PARD3B: variants seen among roughly 807,000 people sequenced by gnomAD.
The protein encoded by PARD3B is par-3 family cell polarity regulator beta.
PARD3B carries 103 observed loss-of-function variants against 130.2 expected under a neutral mutation model. The ratio of observed to expected loss-of-function variants is 0.79; its 90% CI spans 0.67 to 0.93. The LOEUF is 0.93. PARD3B is among the 40% of genes least tolerant of loss of function. The probability of loss-of-function intolerance (pLI) is 0.00; values close to 1 mark genes in which losing one functional copy is unlikely to be tolerated. For synonymous variants in PARD3B, 583 were observed against 553.2 expected, an observed-to-expected ratio of 1.05 and a Z score of -0.76; for missense variants, 1,609 against 1,499.2, an observed-to-expected ratio of 1.07 and a Z score of -1.21.
At position 205,530,615 on chromosome 2, in the gene PARD3B, C is replaced by G. The variant is rs958818847; in HGVS notation, c.3181-22709C>G. On this transcript the variant is annotated intron_variant, in intron 21 of 22. Coordinates refer to ENST00000406610, the MANE Select transcript of PARD3B (RefSeq NM_001302769.2). This position sits in a 1 kb window ranked among gnomAD's most constrained non-coding sequence, Gnocchi z 4.7. ...GGTAACACCCTTCCATCCTGAGGAG[C>G]TAGAGAATCCGAGATTCAGAGAGGG... is the stretch of plus-strand genomic sequence containing the variant. 1.3e-5 allele frequency among the ~76,000 whole-genome samples: 2 copies of G among 152,058 alleles called. No individual in the cohort carries two copies. Among genetic ancestry groups the G allele is most frequent in the Admixed American group, 6.6e-5 (1 of 15,266 alleles).
chr2:204,791,265 T>C (rs1241286153), intron 2 of PARD3B, among the ~76,000 whole-genome samples: 1 of 152,186 alleles, frequency 6.6e-6, no homozygotes, highest in Non-Finnish European at 1.5e-5. Context: ...GTGAAAATCA[T>C]AGCAATTACT....
chr2:205,299,136 G>C (rs2041897449), intron 16 of PARD3B, among the ~76,000 whole-genome samples: 1 of 152,124 alleles, frequency 6.6e-6, no homozygotes, highest in African/African-American at 2.4e-5. Context: ...TCGGATCATA[G>C]GTAAAGGTGT....
At chr2:204,944,081 C>G (rs1689124953) in intron 2 of PARD3B, among the ~76,000 whole-genome samples, 1 of 152,032 alleles carries the variant, frequency 6.6e-6, no homozygotes, top group South Asian at 2.1e-4. Flanking sequence ...TCTGAACACT[C>G]CAGAAAGAAT....
At chr2:204,582,337 G>A (rs540983567) in intron 1 of PARD3B, among the ~76,000 whole-genome samples, 1 of 152,276 alleles carries the variant, frequency 6.6e-6, no homozygotes, top group South Asian at 2.1e-4. Flanking sequence ...GTGCACAGCT[G>A]GAAAAGTGTG....
intron 2 of PARD3B, among the ~76,000 whole-genome samples, chr2:204,829,737 C>A (rs112811811): frequency 1.3e-5 from 2 of 152,134 alleles, no homozygotes; most frequent in African/African-American, 4.8e-5. Context: ...CGGTGGCTCA[C>A]GCCTGTAATC....
intron 21 of PARD3B, among the ~76,000 whole-genome samples, chr2:205,544,243 T>C (rs1265838273): frequency 6.6e-6 from 1 of 151,828 alleles, no homozygotes; most frequent in South Asian, 2.1e-4. Context: ...GAAATGCTTT[T>C]CCTAATGCCT....
chr2:204,629,304 A>G (rs975995312), intron 1 of PARD3B, among the ~76,000 whole-genome samples: 8 of 152,096 alleles, frequency 5.3e-5, no homozygotes, highest in African/African-American at 1.7e-4. Context: ...CCCCTTCCCT[A>G]CTTTCTGTTT....
At chr2:205,342,237 T>A (rs1299816830) in intron 18 of PARD3B, among the ~76,000 whole-genome samples, 1 of 152,208 alleles carries the variant, frequency 6.6e-6, no homozygotes, top group Non-Finnish European at 1.5e-5. Context: ...TAGGAAGATG[T>A]AAGTGAACAA....
At chr2:204,934,409 TA>T (rs1198001138) in intron 2 of PARD3B, among the ~76,000 whole-genome samples, 1 of 152,204 alleles carries the variant, frequency 6.6e-6, no homozygotes, top group Non-Finnish European at 1.5e-5. Flanking sequence ...ATGTTTTACC[TA>T]AATGGTGTTT....
At chr2:204,620,192 G>A (rs949587143) in intron 1 of PARD3B, among the ~76,000 whole-genome samples, 3 of 151,984 alleles carry the variant, frequency 2.0e-5, no homozygotes, top group African/African-American at 7.3e-5. Flanking sequence ...AGTAGAGATG[G>A]GGGTTTCACC....
intron 2 of PARD3B, among the ~76,000 whole-genome samples, chr2:204,850,580 T>G (rs1456040960): frequency 6.6e-6 from 1 of 152,060 alleles, no homozygotes; most frequent in Non-Finnish European, 1.5e-5. Context: ...CATTTAGTGC[T>G]CATAGCTCAG....
intron 19 of PARD3B, among the ~76,000 whole-genome samples, chr2:205,406,033 A>G (rs2046406590): frequency 6.6e-6 from 1 of 152,214 alleles, no homozygotes; most frequent in Non-Finnish European, 1.5e-5. Context: ...CACCTGGAAT[A>G]TCCCGTGCCT....
intron 20 of PARD3B, among the ~76,000 whole-genome samples, chr2:205,478,524 A>T (rs1463937845): frequency 6.6e-6 from 1 of 152,180 alleles, no homozygotes; most frequent in East Asian, 1.9e-4. Context: ...GCTTCATTTA[A>T]CAATAAGGAG....
At chr2:205,427,151 C>G (rs142667251) in intron 19 of PARD3B, among the ~76,000 whole-genome samples, 1 of 152,318 alleles carries the variant, frequency 6.6e-6, no homozygotes, top group African/African-American at 2.4e-5. Context: ...CAGGCATCCT[C>G]TTACAGTGTA....
At chr2:204,733,938 A>G (rs2039631212) in intron 2 of PARD3B, among the ~76,000 whole-genome samples, 1 of 152,142 alleles carries the variant, frequency 6.6e-6, no homozygotes, top group South Asian at 2.1e-4. Context: ...TTAGGCAAAT[A>G]CTTCTTACAT....
chr2:204,989,260 A>G (rs756312614), intron 3 of PARD3B, among the ~76,000 whole-genome samples: 7 of 152,138 alleles, frequency 4.6e-5, no homozygotes, highest in Non-Finnish European at 8.8e-5. Flanking sequence ...ATGCTCAGGA[A>G]AAAGAAAAAA....
At chr2:204,668,129 C>T (rs7581282) in intron 1 of PARD3B, among the ~76,000 whole-genome samples, 9 of 152,068 alleles carry the variant, frequency 5.9e-5, no homozygotes, top group African/African-American at 1.4e-4. Context: ...TCTGAAAGGA[C>T]TGAATAAGCA....
intron 3 of PARD3B, among the ~76,000 whole-genome samples, chr2:204,984,660 A>C (rs910697111): frequency 1.3e-5 from 2 of 152,092 alleles, no homozygotes; most frequent in African/African-American, 4.8e-5. Flanking sequence ...AATTTGTAGG[A>C]GGGGCTTTCT....
intron 3 of PARD3B, among the ~76,000 whole-genome samples, chr2:204,973,265 T>C (rs1219535681): frequency 6.6e-6 from 1 of 152,248 alleles, no homozygotes; most frequent in African/African-American, 2.4e-5. Flanking sequence ...AAATTACTTA[T>C]CTGTATTAAA....
Sources: gnomAD v4.1 joint callset for allele counts (sites outside exome capture counted in the v4.1 genomes callset) on GRCh38, gnomAD v4.1.1 for gene constraint, Gnocchi (gnomAD v3.1) non-coding constraint, MANE v1.5 for transcripts, NCBI Gene and HGNC (gene_info 2026-07-23, HGNC 2026-07-21) for gene names.